The following ASAP1 variants were observed in gnomAD, a reference collection of about 807,000 sequenced individuals.
The protein encoded by ASAP1 is arf-GAP with SH3 domain, ANK repeat and PH domain-containing protein 1.
A neutral mutation model predicts 145.2 loss-of-function variants in ASAP1; 43 were observed. That is an observed-to-expected ratio of 0.30 (90% confidence interval 0.23 to 0.38). The LOEUF (loss-of-function observed/expected upper bound fraction) is 0.38. Among genes scored for constraint, ASAP1 ranks in the 10% least tolerant of loss-of-function variants. The pLI is 1.00. For synonymous variants in ASAP1, 546 were observed against 515.5 expected (o/e 1.06, Z -0.80); for missense variants, 1,018 against 1,355.3 (o/e 0.75, Z 3.91).
intron 11 of ASAP1, among the ~76,000 whole-genome samples, chr8:130,165,064 T>C (rs866263773): frequency 4.6e-5 from 7 of 152,340 alleles, no homozygotes; most frequent in Middle Eastern, 3.4e-3. Context: ...AACTCTGTGA[T>C]GCAAGGTACT....
At chr8:130,108,129 T>A (rs1382882442) in intron 24 of ASAP1, among the ~76,000 whole-genome samples, 1 of 152,260 alleles carries the variant, frequency 6.6e-6, no homozygotes, top group East Asian at 1.9e-4. Context: ...GCTCTCAGTA[T>A]GCCACACAGC....
intron 3 of ASAP1, among the ~76,000 whole-genome samples, chr8:130,306,581 T>A (rs1823006247): frequency 6.6e-6 from 1 of 152,184 alleles, no homozygotes. Context: ...AACTTTTTAC[T>A]GGAGAGACTA....
In ASAP1 at chr8:130,125,945, T is replaced by C. The variant is rs1408380671; in HGVS notation, c.1515+11A>G. On this transcript the variant is annotated intron_variant, in intron 17 of 29. Transcript: ENST00000518721. ...TAATATCATTCTTCCCAAGTACAGGTCACTACTTACCAAGAGTTCAGAAGT... is the reference window on the plus strand; with the variant it reads ...TAATATCATTCTTCCCAAGTACAGGCCACTACTTACCAAGAGTTCAGAAGT... 6.2e-7 allele frequency: 1 copy of C among 1,605,330 alleles called. No homozygotes were observed. Among genetic ancestry groups the C allele is most frequent in the Non-Finnish European group, 8.5e-7 (1 of 1,177,672 alleles).
At chr8:130,228,479 T>C (rs550454674) in intron 4 of ASAP1, among the ~76,000 whole-genome samples, 21 of 151,890 alleles carry the variant, frequency 1.4e-4, no homozygotes, top group African/African-American at 4.3e-4. Flanking sequence ...GGTGGGTGAA[T>C]AGCTTGAGCC....
chr8:130,096,584 T>C (rs760034322), intron 24 of ASAP1, among the ~76,000 whole-genome samples: 4 of 152,210 alleles, frequency 2.6e-5, no homozygotes, highest in Non-Finnish European at 5.9e-5. Flanking sequence ...AAAGCTTCTA[T>C]GAATAAATCT....
At chr8:130,056,525 A>G (rs979364553) in intron 29 of ASAP1, among the ~76,000 whole-genome samples, 20 of 152,320 alleles carry the variant, frequency 1.3e-4, no homozygotes, top group Admixed American at 3.9e-4. Flanking sequence ...CTGACAATCA[A>G]TATTTCCAGA....
chr8:130,440,977 G>T (rs188580429), intron 1 of ASAP1, among the ~76,000 whole-genome samples: 96 of 152,352 alleles, frequency 6.3e-4, no homozygotes, highest in African/African-American at 2.0e-3. Context: ...CCAGAGGAAT[G>T]CAAGCTCCAG....
At chr8:130,152,525 G>C (rs1164313860) in intron 13 of ASAP1, 1 of 381,688 alleles carries the variant, frequency 2.6e-6, no homozygotes, top group Non-Finnish European at 4.6e-6. Flanking sequence ...CATTTTGAGA[G>C]AGCAAAAAAA....
rs2097543649 is a variant in ASAP1, at chr8:130,109,724, T to C, written c.2401+2370A>G. ...CAGAGTATCAGCTGATCTTTAACAA[T>C]GTCTTCTAAGAGCTCCATTCTAAAC... On this transcript the variant is annotated intron_variant, in intron 24 of 29. Transcript: ENST00000518721. Among the ~76,000 whole-genome samples, 3 of 152,300 alleles carry C rather than the reference T, an allele frequency of 2.0e-5. No individual in the cohort carries two copies. The South Asian group carries it at 6.2e-4, about 32-fold the overall frequency.
chr8:130,406,072 C>A (rs746123793), intron 1 of ASAP1, among the ~76,000 whole-genome samples: 7 of 152,308 alleles, frequency 4.6e-5, no homozygotes, highest in Non-Finnish European at 7.4e-5. Context: ...TTCTGGGACT[C>A]TTTTCTTTCT....
rs139385441 is a variant in ASAP1, at chr8:130,196,875, C to G, written c.406-8692G>C. ...AGTATATTAACTCCTTCATGCCCTA[C>G]AGAGTTATAATACCTTGAAGCTATT... On this transcript the variant is annotated intron_variant, in intron 5 of 29. Transcript: ENST00000518721. Among the ~76,000 whole-genome samples the G allele has an allele frequency of 5.0e-3, 755 of 152,314 alleles. 4 individuals are homozygous for G. The highest frequency in any genetic ancestry group is 7.4e-3 in the Non-Finnish European group (506 of 68,024).
At chr8:130,240,717 C>A (rs1255721345) in intron 3 of ASAP1, among the ~76,000 whole-genome samples, 2 of 152,108 alleles carry the variant, frequency 1.3e-5, no homozygotes, top group Non-Finnish European at 2.9e-5. Context: ...TAAAGTTGTG[C>A]CATACGGCAT....
intron 1 of ASAP1, among the ~76,000 whole-genome samples, chr8:130,424,528 T>A (rs1024770117): frequency 3.9e-5 from 6 of 152,214 alleles, no homozygotes; most frequent in African/African-American, 1.4e-4. Context: ...TTGTTTTTTT[T>A]AAACAATTTA....
At chr8:130,323,481 C>A (rs1021267287) in intron 3 of ASAP1, among the ~76,000 whole-genome samples, 1 of 152,172 alleles carries the variant, frequency 6.6e-6, no homozygotes, top group African/African-American at 2.4e-5. Flanking sequence ...AATTTCAAGG[C>A]ACAGATTTCC....
chr8:130,299,901 G>A (rs562737874), intron 3 of ASAP1, among the ~76,000 whole-genome samples: 1 of 152,086 alleles, frequency 6.6e-6, no homozygotes, highest in South Asian at 2.1e-4. Context: ...AGATGAGGTG[G>A]CTATTTTCTT....
rs1051222071 is a variant in ASAP1 at position 130,160,888 on chromosome 8, T to G, written c.910-924A>C. 5.4e-6 allele frequency: 5 copies of G among 919,870 alleles called. No individual in the cohort carries two copies. The African/African-American group carries it at 8.7e-5, about 16-fold the overall frequency. The allele number at this position is 919,870 out of a possible 1,614,324, so 57.0% of individuals were successfully genotyped here. A position where few individuals can be genotyped will look rare whatever the true frequency, so the allele number is the denominator to read the frequency against. Reference sequence around the variant, plus strand: ...GAAAATGTTATCCATAATTTAAGCATTTTATATAATGTACACAGAAAATAT... The same window carrying G: ...GAAAATGTTATCCATAATTTAAGCAGTTTATATAATGTACACAGAAAATAT... On this transcript the variant is annotated intron_variant, in intron 11 of 29. Transcript: ENST00000518721.
At chr8:130,157,695 A>G (rs1032917020) in intron 12 of ASAP1, among the ~76,000 whole-genome samples, 2 of 152,098 alleles carry the variant, frequency 1.3e-5, no homozygotes, top group Non-Finnish European at 2.9e-5. Context: ...ACTCTCAAGT[A>G]TTTGTCACCA....
chr8:130,419,528 C>T (rs1181211447), intron 1 of ASAP1, among the ~76,000 whole-genome samples: 1 of 152,122 alleles, frequency 6.6e-6, no homozygotes, highest in Non-Finnish European at 1.5e-5. Flanking sequence ...ATAGGAAGGT[C>T]GAACCCAAAG....
chr8:130,134,584 T>C (rs191255314), intron 14 of ASAP1, among the ~76,000 whole-genome samples: 3 of 152,314 alleles, frequency 2.0e-5, no homozygotes, highest in Admixed American at 6.5e-5. Flanking sequence ...TTCAGTGACT[T>C]ACACAAGGTC....
Sources: allele counts gnomAD v4.1 joint callset (sites outside exome capture counted in the v4.1 genomes callset), GRCh38; gene constraint gnomAD v4.1.1; transcripts MANE v1.5; gene names NCBI Gene and HGNC (gene_info 2026-07-23, HGNC 2026-07-21).